AOPEP: variants seen among roughly 807,000 people sequenced by gnomAD.
AOPEP encodes aminopeptidase O (putative).
Under a neutral mutation model 98.1 loss-of-function variants are expected in AOPEP, and 77 were observed. That is an observed-to-expected ratio of 0.78 (90% confidence interval 0.65 to 0.95). The LOEUF is 0.95. Ranked by LOEUF, AOPEP falls within the 40% of genes least tolerant of loss-of-function variation. The pLI is 0.00. For missense variants in AOPEP, 1,024 were observed against 1,024.7 expected (o/e 1.00, Z 0.01); for synonymous variants, 346 against 365.3 (o/e 0.95, Z 0.60).
intron 14 of AOPEP, among the ~76,000 whole-genome samples, chr9:95,067,887 A>G (rs6479596): frequency 0.89 from 136,124 of 152,220 alleles, 61,651 homozygotes; most frequent in Non-Finnish European, 0.97. Flanking sequence ...TTCTGTCTCT[A>G]TAGATTTGCC....
chr9:95,095,515 ACTT>A, the AOPEP span, among the ~76,000 whole-genome samples: 24 of 152,166 alleles, frequency 1.6e-4, no homozygotes, highest in South Asian at 4.1e-4. Context: ...TGCTGCAAAT[ACTT>A]CTTCTTCCCT....
intron 13 of AOPEP, among the ~76,000 whole-genome samples, chr9:95,012,678 G>A (rs949526527): frequency 3.3e-5 from 5 of 152,064 alleles, no homozygotes; most frequent in African/African-American, 9.6e-5. Context: ...AGCGTGTATC[G>A]AGTCTAGCCA....
intron 1 of AOPEP, among the ~76,000 whole-genome samples, chr9:94,758,806 G>T (rs1837610672): frequency 6.6e-6 from 1 of 152,258 alleles, no homozygotes; most frequent in Non-Finnish European, 1.5e-5. Context: ...CAGATTGCTA[G>T]TATACAATAA....
intron 13 of AOPEP, among the ~76,000 whole-genome samples, chr9:95,049,393 A>G (rs1480179428): frequency 6.6e-6 from 1 of 152,238 alleles, no homozygotes. Context: ...AAGAAAAACA[A>G]TTAAAAGCCT....
At chr9:94,865,472 T>A (rs773814305) in intron 5 of AOPEP, among the ~76,000 whole-genome samples, 1 of 152,188 alleles carries the variant, frequency 6.6e-6, no homozygotes, top group African/African-American at 2.4e-5. Flanking sequence ...AAGGAATCTG[T>A]AATGAAATTG....
Position 94,773,002 on chromosome 9 carries a change from GC to G in AOPEP, c.800del (p.Pro267HisfsTer10). ...VTWTSDQSGR[P>X]CVYTVGSPIN... The stretch of plus-strand genomic sequence containing the variant: ...TTCTTTCTTTGTCTCTCTTCTGCAG[GC>G]CATGTGTTTATACTGTGGGATCTCC... On this transcript the variant is annotated frameshift_variant and splice_region_variant, in exon 3 of 17. Transcript: ENST00000375315. LOFTEE classifies it high-confidence loss of function. 1 of 1,595,592 alleles carries G rather than the reference GC, an allele frequency of 6.3e-7. No homozygotes were observed.
chr9:95,111,507 A>T, the AOPEP span: 1 of 1,614,064 alleles, frequency 6.2e-7, no homozygotes, highest in South Asian at 1.1e-5. Flanking sequence ...GGGCCGTAGT[A>T]GAAGGCCAAG....
the AOPEP span, among the ~76,000 whole-genome samples, chr9:95,132,964 C>G: frequency 1.3e-5 from 2 of 152,230 alleles, no homozygotes; most frequent in African/African-American, 4.8e-5. Context: ...TAGACCATCA[C>G]ACTTTAATTA....
At chr9:95,123,739 C>T in the AOPEP span, 1 of 692,738 alleles carries the variant, frequency 1.4e-6, no homozygotes, top group East Asian at 2.8e-5. Flanking sequence ...AGCTACATTA[C>T]TGTCTGAGTT....
chr9:95,027,404 C>T (rs560154301), intron 13 of AOPEP, among the ~76,000 whole-genome samples: 1 of 152,202 alleles, frequency 6.6e-6, no homozygotes, highest in East Asian at 1.9e-4. Flanking sequence ...ATGTTTTTTT[C>T]TTGTGGACTT....
At chr9:94,962,389 C>T (rs2138183233) in intron 9 of AOPEP, among the ~76,000 whole-genome samples, 1 of 152,170 alleles carries the variant, frequency 6.6e-6, no homozygotes, top group South Asian at 2.1e-4. Context: ...GAGAATTTGC[C>T]GGGTTTGTGC....
At chr9:94,876,644 C>A (rs12339541) in intron 5 of AOPEP, among the ~76,000 whole-genome samples, 7,048 of 152,214 alleles carry the variant, frequency 0.046, 238 homozygotes, top group South Asian at 0.11. Flanking sequence ...GGATTACAGG[C>A]GTGAACCACT....
chr9:95,148,091 G>A, the AOPEP span, among the ~76,000 whole-genome samples: 1 of 152,054 alleles, frequency 6.6e-6, no homozygotes, highest in South Asian at 2.1e-4. Flanking sequence ...CAGCCCTCAC[G>A]CTACTCTTCA....
At chr9:95,111,454 G>T in the AOPEP span, 1 of 1,610,524 alleles carries the variant, frequency 6.2e-7, no homozygotes, top group South Asian at 1.1e-5. Flanking sequence ...AGTGGGGCCT[G>T]CTACCCACCA....
intron 5 of AOPEP, among the ~76,000 whole-genome samples, chr9:94,884,041 G>T (rs771367403): frequency 2.0e-5 from 3 of 152,136 alleles, no homozygotes; most frequent in Non-Finnish European, 2.9e-5. Context: ...ATTTCACGAG[G>T]GGCATCCCTG....
chr9:94,742,793 A>C (rs1171330320), intron 1 of AOPEP, among the ~76,000 whole-genome samples: 1 of 152,050 alleles, frequency 6.6e-6, no homozygotes, highest in Non-Finnish European at 1.5e-5. Context: ...ATCTAATACA[A>C]ATTTGGGGCA....
At chr9:94,754,701 T>TGG (rs1836616555) in intron 1 of AOPEP, among the ~76,000 whole-genome samples, 1 of 152,218 alleles carries the variant, frequency 6.6e-6, no homozygotes, top group Non-Finnish European at 1.5e-5. Flanking sequence ...AACCTGGTCA[T>TGG]GAACACAAAA....
chr9:95,119,371 T>C, the AOPEP span, among the ~76,000 whole-genome samples: 9 of 151,956 alleles, frequency 5.9e-5, no homozygotes, highest in Admixed American at 2.6e-4. Flanking sequence ...TTTTCTTTTT[T>C]TTTTTTTTTA....
chr9:94,998,236 C>T (rs754185029), intron 11 of AOPEP, among the ~76,000 whole-genome samples: 1 of 151,302 alleles, frequency 6.6e-6, no homozygotes, highest in Non-Finnish European at 1.5e-5. Flanking sequence ...TAAGTACTCA[C>T]GCTGGAGTAG....
Sources: allele counts gnomAD v4.1 joint callset (sites outside exome capture counted in the v4.1 genomes callset), GRCh38; gene constraint gnomAD v4.1.1; transcripts MANE v1.5; gene names NCBI Gene and HGNC (gene_info 2026-07-23, HGNC 2026-07-21).